TSG101: variants seen among roughly 807,000 people sequenced by gnomAD.
The protein encoded by TSG101 is tumor susceptibility gene 101 protein.
Under a neutral mutation model 48.5 loss-of-function variants are expected in TSG101, and 19 were observed. The observed-to-expected ratio is 0.39, with a 90% CI of 0.27 to 0.58. The LOEUF is 0.58. Among genes scored for constraint, TSG101 ranks in the 20% least tolerant of loss-of-function variants. The pLI, the probability that TSG101 is intolerant of heterozygous loss-of-function variation, is 0.55. For missense variants in TSG101, 365 were observed against 484.4 expected (o/e 0.75, Z 2.31); for synonymous variants, 174 against 169.4 (o/e 1.03, Z -0.21).
In TSG101 at chr11:18,497,103, C is replaced by CA. The variant is rs35224427; in HGVS notation, c.640+5382dup. 1.7e-4 allele frequency among the ~76,000 whole-genome samples: 25 copies of CA among 151,460 alleles called. No individual in the cohort carries two copies. The South Asian group carries it at 2.5e-3, about 15-fold the overall frequency. On this transcript the variant is annotated intron_variant, in intron 7 of 9. Transcript: ENST00000251968. The stretch of plus-strand genomic sequence containing the variant: ...GAGTCTGTCTCAAAAACAACAACAA[C>CA]AAAAAAAACAAGGATAAATAACCAA...
intron 6 of TSG101, among the ~76,000 whole-genome samples, chr11:18,505,958 C>T (rs1359532252): frequency 6.6e-6 from 1 of 152,094 alleles, no homozygotes; most frequent in Non-Finnish European, 1.5e-5. Context: ...GCTGGGATTA[C>T]AGGCATGTGC....
chr11:18,516,580 G>A (rs557607314), intron 2 of TSG101, among the ~76,000 whole-genome samples: 11 of 151,906 alleles, frequency 7.2e-5, no homozygotes, highest in East Asian at 3.9e-4. Context: ...TCCTAACCTC[G>A]TTATCCACCT....
In TSG101 at chr11:18,488,896, C is replaced by T. The variant is rs150096505; in HGVS notation, c.641-4824G>A. 8.2e-4 allele frequency among the ~76,000 whole-genome samples: 124 copies of T among 152,082 alleles called. 1 individual carries two copies. Among genetic ancestry groups the T allele is most frequent in the African/African-American group, 2.8e-3 (117 of 41,486 alleles). Reference sequence around the variant, plus strand: ...ATTCCAGCACTTTGGGAGGCCAAGGCGGGTGGATCATGAGGTCCAGAGATC... The same window carrying T: ...ATTCCAGCACTTTGGGAGGCCAAGGTGGGTGGATCATGAGGTCCAGAGATC... On this transcript the variant is annotated intron_variant, in intron 7 of 9. Coordinates refer to ENST00000251968, the MANE Select transcript of TSG101 (RefSeq NM_006292.4).
At chr11:18,507,669 T>C (rs1849997818) in intron 5 of TSG101, 1 of 152,008 alleles carries the variant, frequency 6.6e-6, no homozygotes. Context: ...TAGTAAAGAA[T>C]CTGCTCTAGA....
chr11:18,513,725 C>A (rs1850124533), intron 4 of TSG101, among the ~76,000 whole-genome samples: 1 of 152,220 alleles, frequency 6.6e-6, no homozygotes, highest in African/African-American at 2.4e-5. Flanking sequence ...GCAGGTTTCT[C>A]TGCCTCTTAG....
Position 18,483,910 on chromosome 11 carries a change from T to C in TSG101, c.803A>G (p.Gln268Arg), listed in dbSNP as rs1315344902. Residue 268 changes from glutamine to arginine, a missense_variant, in exon 8 of 10, where the codon CAG becomes CGG. Transcript: ENST00000251968. ...RTEEDLKKGH[Q>R]KLEEMVTRLD... is the part of the protein sequence containing the mutation. ...ACGGGTAACCATCTCTTCCAGTTTCTGGTGACCCTTTTTCAGGTCTTCTTC... is the reference window on the plus strand; with the variant it reads ...ACGGGTAACCATCTCTTCCAGTTTCCGGTGACCCTTTTTCAGGTCTTCTTC... 6.2e-7 allele frequency: 1 copy of C among 1,614,214 alleles called. No individual in the cohort carries two copies. The highest frequency in any genetic ancestry group is 1.1e-5 in the South Asian group (1 of 91,086).
chr11:18,485,312 G>A (rs144308424), intron 7 of TSG101, among the ~76,000 whole-genome samples: 2 of 152,140 alleles, frequency 1.3e-5, no homozygotes, highest in East Asian at 1.9e-4. Flanking sequence ...TTCCCAAAAC[G>A]TCAGCACAAC....
chr11:18,516,915 C>G (rs1850187558), intron 2 of TSG101, among the ~76,000 whole-genome samples: 1 of 152,058 alleles, frequency 6.6e-6, no homozygotes, highest in African/African-American at 2.4e-5. Context: ...GCACTTTAGT[C>G]TGGGCAACAA....
In TSG101 at chr11:18,501,958, C is replaced by A. The variant is rs557573001; in HGVS notation, c.640+528G>T. ...CCAACTTATGGTAACAGGGAGAAGG[C>A]AGATATGGTGGTGCAGGTAGTGGGA... is the stretch of plus-strand genomic sequence containing the variant. On this transcript the variant is annotated intron_variant, in intron 7 of 9. Transcript: ENST00000251968. Among the ~76,000 whole-genome samples the A allele has an allele frequency of 4.7e-4, 72 of 152,246 alleles. 1 individual carries two copies. The highest frequency in any genetic ancestry group is 1.6e-3 in the African/African-American group (66 of 41,546).
rs774717362 is a variant in TSG101, at chr11:18,509,585, A to G, written c.438T>C (p.Ile146=). Residue 146 remains isoleucine, a synonymous_variant, in exon 5 of 10, where the codon ATT becomes ATC. Transcript: ENST00000251968. ...CCTGGTATGGCGGATAGGATGCCGA[A>G]ATAGGACGAGAGAAGACTGGAGGTT... ...GDEPPVFSRP[I]SASYPPYQAT... is the part of the protein sequence containing the mutation. 6.2e-7 allele frequency: 1 copy of G among 1,614,036 alleles called. No individual in the cohort carries two copies. The highest frequency in any genetic ancestry group is 1.7e-5 in the Admixed American group (1 of 60,028).
chr11:18,496,733 T>G (rs1439280947), intron 7 of TSG101, among the ~76,000 whole-genome samples: 1 of 151,376 alleles, frequency 6.6e-6, no homozygotes, highest in East Asian at 2.0e-4. Context: ...GAGATGGAGG[T>G]TGCAGTGGGC....
intron 7 of TSG101, among the ~76,000 whole-genome samples, chr11:18,501,417 T>C (rs1203429709): frequency 6.6e-6 from 1 of 152,236 alleles, no homozygotes; most frequent in African/African-American, 2.4e-5. Context: ...GAAAATCAGT[T>C]GGCTGTAAAT....
chr11:18,494,454 CA>C (rs1206821461), intron 7 of TSG101, among the ~76,000 whole-genome samples: 7 of 152,110 alleles, frequency 4.6e-5, no homozygotes, highest in Admixed American at 1.3e-4. Flanking sequence ...CCTTTACTAA[CA>C]AAATAAAAAT....
chr11:18,524,086 C>G (rs1483068163), intron 1 of TSG101, among the ~76,000 whole-genome samples: 3 of 152,220 alleles, frequency 2.0e-5, no homozygotes, highest in African/African-American at 7.2e-5. Context: ...GCCACCACAC[C>G]AGGCCCACAG....
chr11:18,511,269 T>C (rs1024713296), intron 4 of TSG101: 4 of 152,162 alleles, frequency 2.6e-5, no homozygotes, highest in Non-Finnish European at 5.9e-5. Context: ...AGGATTAGGA[T>C]TGGCACTTCT....
chr11:18,507,246 G>A (rs1198133055), intron 5 of TSG101, among the ~76,000 whole-genome samples: 3 of 152,064 alleles, frequency 2.0e-5, no homozygotes, highest in Non-Finnish European at 2.9e-5. Context: ...GGCCTTCTTC[G>A]GTCCAAGGTT....
At chr11:18,518,592 C>G (rs1326203807) in intron 2 of TSG101, among the ~76,000 whole-genome samples, 1 of 152,158 alleles carries the variant, frequency 6.6e-6, no homozygotes, top group Admixed American at 6.5e-5. Flanking sequence ...GTTATGCTTA[C>G]CTACTCTACA....
In TSG101 at chr11:18,509,461, T is replaced by TA. The variant is rs200739579; in HGVS notation, c.481+80dup. On this transcript the variant is annotated intron_variant, in intron 5 of 9. Transcript: ENST00000251968. Reference sequence around the variant, plus strand: ...ATAAACTAAAAAGCAAAGAAGTCATTATTTTTCTTTATTTTTTTACAAAGG... The same window carrying TA: ...ATAAACTAAAAAGCAAAGAAGTCATTAATTTTTCTTTATTTTTTTACAAAGG... 2,047 of 1,506,134 alleles carry TA rather than the reference T, an allele frequency of 1.4e-3. 30 individuals carry two copies. In the African/African-American group the frequency reaches 0.026, roughly 19 times the overall value. 93.3% of individuals were successfully genotyped at this position (1,506,134 alleles called of 1,614,324 possible).
At chr11:18,516,260 C>G (rs1431111490) in intron 2 of TSG101, 96 bp from the exon 3 acceptor site, 1 of 1,066,116 alleles carries the variant, frequency 9.4e-7, no homozygotes, top group African/African-American at 1.6e-5. Context: ...CATCATTATC[C>G]TTGAAAGGGG....
Sources: allele counts gnomAD v4.1 joint callset (sites outside exome capture counted in the v4.1 genomes callset), GRCh38; gene constraint gnomAD v4.1.1; transcripts MANE v1.5; gene names NCBI Gene and HGNC (gene_info 2026-07-23, HGNC 2026-07-21).